Variants in LRRFIP1 observed in about 807,000 individuals in gnomAD.
The protein encoded by LRRFIP1 is leucine-rich repeat flightless-interacting protein 1.
LRRFIP1 carries 62 observed loss-of-function variants against 104.4 expected under a neutral mutation model. The ratio of observed to expected loss-of-function variants is 0.59; its 90% CI spans 0.48 to 0.73. The LOEUF is 0.73. LRRFIP1 is among the 30% of genes least tolerant of loss of function. LRRFIP1 has a pLI of 0.00. For missense variants in LRRFIP1, 796 were observed against 824.5 expected, an observed-to-expected ratio of 0.97 and a Z score of 0.42; for synonymous variants, 300 against 299.0, an observed-to-expected ratio of 1.00 and a Z score of -0.03.
chr2:237,630,758 C>T (rs1283298525), intron 1 of LRRFIP1, among the ~76,000 whole-genome samples: 1 of 152,224 alleles, frequency 6.6e-6, no homozygotes, highest in Non-Finnish European at 1.5e-5. Context: ...ACCAGTGGCT[C>T]CGGCCTCTTT....
chr2:237,729,815 T>C, intron 8 of LRRFIP1: 1 of 985,434 alleles, frequency 1.0e-6, no homozygotes, highest in African/African-American at 1.7e-5. Flanking sequence ...GATTCTCTAC[T>C]TTGTCATCAT....
intron 10 of LRRFIP1, 67 bp from the exon 11 acceptor site, chr2:237,739,165 C>G: frequency 7.1e-7 from 1 of 1,414,634 alleles, no homozygotes; most frequent in Non-Finnish European, 9.7e-7. Flanking sequence ...CTCTATTCTC[C>G]TTGCTCCTTT....
At chr2:237,764,489 A>G (rs2060137378) in intron 19 of LRRFIP1, 16 of 1,138,794 alleles carry the variant, frequency 1.4e-5, no homozygotes, top group Non-Finnish European at 1.5e-5. Context: ...TTGACCAAAT[A>G]TATCAGCATC....
At chr2:237,699,889 G>A (rs1211199870) in intron 1 of LRRFIP1, among the ~76,000 whole-genome samples, 9 of 152,216 alleles carry the variant, frequency 5.9e-5, no homozygotes, top group African/African-American at 1.4e-4. Flanking sequence ...GGTAACGATC[G>A]TTCTCACAGT....
At position 237,766,141 on chromosome 2, in the gene LRRFIP1, C is replaced by T. The variant is rs1484918570; in HGVS notation, c.1460-3802C>T. ...GAGAACTGAGACGATTGTCACGCACCATCCCCTGTGATCTGTGGTTCTGAT... is the reference window on the plus strand; with the variant it reads ...GAGAACTGAGACGATTGTCACGCACTATCCCCTGTGATCTGTGGTTCTGAT... On this transcript the variant is annotated intron_variant, in intron 19 of 23. Coordinates refer to ENST00000308482, the MANE Select transcript of LRRFIP1 (RefSeq NM_001137550.2). The surrounding 1 kb of genome is among the most constrained non-coding windows in gnomAD (Gnocchi z 4.8). Among the ~76,000 whole-genome samples the T allele has an allele frequency of 6.6e-6, 1 of 152,154 alleles. No individual in the cohort carries two copies. The highest frequency in any genetic ancestry group is 2.4e-5 in the African/African-American group (1 of 41,426).
intron 1 of LRRFIP1, among the ~76,000 whole-genome samples, chr2:237,707,493 A>C (rs2093873241): frequency 6.6e-6 from 1 of 151,962 alleles, no homozygotes; most frequent in Non-Finnish European, 1.5e-5. Flanking sequence ...AAAAAGGAAA[A>C]GATTATGTAA....
At chr2:237,678,681 T>G (rs972623405) in intron 1 of LRRFIP1, among the ~76,000 whole-genome samples, 12 of 151,616 alleles carry the variant, frequency 7.9e-5, no homozygotes, top group African/African-American at 2.7e-4. Context: ...AATTTTTGGA[T>G]TTTTTTAGTA....
intron 1 of LRRFIP1, among the ~76,000 whole-genome samples, chr2:237,631,195 C>A (rs575132769): frequency 8.5e-5 from 13 of 152,292 alleles, no homozygotes; most frequent in Non-Finnish European, 1.8e-4. Context: ...CAAGAACATG[C>A]CTTCTGGAGA....
rs534300456 is a variant in LRRFIP1, at chr2:237,756,585, T to C, written c.1131+398T>C. On this transcript the variant is annotated intron_variant, in intron 16 of 23. Coordinates refer to ENST00000308482, the MANE Select transcript of LRRFIP1 (RefSeq NM_001137550.2). ...GGGCATTAGGGCTTCAACAGATGAA[T>C]TTAGAGGGACACAATTCATTCCATG... 9.2e-5 allele frequency among the ~76,000 whole-genome samples: 14 copies of C among 152,362 alleles called. No homozygotes were observed. The South Asian group carries it at 1.0e-3, about 11-fold the overall frequency.
chr2:237,735,741 C>A lies in LRRFIP1; in HGVS notation c.555+408C>A, dbSNP rs987208903. 1 of 167,474 alleles carries A rather than the reference C, an allele frequency of 6.0e-6. No homozygotes were observed. Among genetic ancestry groups the A allele is most frequent in the Admixed American group, 6.0e-5 (1 of 16,636 alleles). 10.4% of individuals were successfully genotyped at this position (167,474 alleles called of 1,614,324 possible). A position where few individuals can be genotyped will look rare whatever the true frequency, so the allele number is the denominator to read the frequency against. On this transcript the variant is annotated intron_variant, in intron 10 of 23. Transcript: ENST00000308482. This position sits in a 1 kb window ranked among gnomAD's most constrained non-coding sequence, Gnocchi z 4.6. Reference sequence around the variant, plus strand: ...TGGAATGTTACGCATATTTCATTCCCTGTTTGTATTTTGTTGTCTCTCTAC... The same window carrying A: ...TGGAATGTTACGCATATTTCATTCCATGTTTGTATTTTGTTGTCTCTCTAC...
chr2:237,708,537 G>A lies in LRRFIP1; in HGVS notation c.97-7G>A, dbSNP rs201579022. 29 of 1,563,240 alleles carry A rather than the reference G, an allele frequency of 1.9e-5. No homozygotes were observed. The highest frequency in any genetic ancestry group is 1.2e-4 in the African/African-American group (9 of 74,368). ...TGTCCTCTAATAAGATGCCCTGTCC[G>A]TTTCAGGCGGAAGCCCGGCTCGCTG... is the stretch of plus-strand genomic sequence containing the variant. On this transcript the variant is annotated splice_polypyrimidine_tract_variant and splice_region_variant and intron_variant, in intron 1 of 23. Coordinates refer to ENST00000308482, the MANE Select transcript of LRRFIP1 (RefSeq NM_001137550.2).
rs1206568362 is a variant in LRRFIP1, at chr2:237,711,166, A to C, written c.183+2536A>C. ...TTTTAGTATCATGAAAAAGGGGTGC[A>C]GGGCAGCCCTCACTGATGCTTCTGA... On this transcript the variant is annotated intron_variant, in intron 2 of 23. Transcript: ENST00000308482. The surrounding 1 kb of genome is among the most constrained non-coding windows in gnomAD (Gnocchi z 4.4). Among the ~76,000 whole-genome samples, 1 of 152,250 alleles carries C rather than the reference A, an allele frequency of 6.6e-6. No individual in the cohort carries two copies. The highest frequency in any genetic ancestry group is 1.5e-5 in the Non-Finnish European group (1 of 68,042).
At chr2:237,657,032 A>T (rs187280818) in intron 1 of LRRFIP1, among the ~76,000 whole-genome samples, 1 of 152,330 alleles carries the variant, frequency 6.6e-6, no homozygotes, top group Admixed American at 6.5e-5. Flanking sequence ...CATTTTCTGA[A>T]GAAGAGCCCC....
At chr2:237,655,377 T>C (rs1051788450) in intron 1 of LRRFIP1, among the ~76,000 whole-genome samples, 6 of 151,940 alleles carry the variant, frequency 3.9e-5, no homozygotes, top group African/African-American at 1.2e-4. Flanking sequence ...CCCAAAGTGC[T>C]GGGATTACAG....
intron 1 of LRRFIP1, among the ~76,000 whole-genome samples, chr2:237,630,212 A>G (rs2082156425): frequency 1.3e-5 from 2 of 152,236 alleles, no homozygotes; most frequent in South Asian, 2.1e-4. Context: ...AGTACAAATT[A>G]ACTTCTATTT....
chr2:237,741,652 A>G (rs963395111), intron 11 of LRRFIP1, among the ~76,000 whole-genome samples: 2 of 152,006 alleles, frequency 1.3e-5, no homozygotes, highest in South Asian at 4.2e-4. Context: ...ACATGGAGAA[A>G]TCCCATCTCT....
At chr2:237,650,512 G>T (rs1446277646) in intron 1 of LRRFIP1, among the ~76,000 whole-genome samples, 3 of 152,182 alleles carry the variant, frequency 2.0e-5, no homozygotes, top group African/African-American at 7.2e-5. Flanking sequence ...GGATGGCCGG[G>T]CAGGTTACGC....
chr2:237,656,771 T>C (rs2086887092), intron 1 of LRRFIP1, among the ~76,000 whole-genome samples: 1 of 152,218 alleles, frequency 6.6e-6, no homozygotes, highest in Non-Finnish European at 1.5e-5. Flanking sequence ...TTCAGAGAAC[T>C]AGACAAAAAT....
intron 15 of LRRFIP1, among the ~76,000 whole-genome samples, chr2:237,753,846 A>G (rs201214699): frequency 4.9e-5 from 4 of 81,634 alleles, no homozygotes; most frequent in Non-Finnish European, 7.5e-5. Context: ...GTGTGTATGT[A>G]TGTATGTATG....
Sources: gnomAD v4.1 joint callset for allele counts (sites outside exome capture counted in the v4.1 genomes callset) on GRCh38, gnomAD v4.1.1 for gene constraint, Gnocchi (gnomAD v3.1) non-coding constraint, MANE v1.5 for transcripts, NCBI Gene and HGNC (gene_info 2026-07-23, HGNC 2026-07-21) for gene names.